The following VGLL4 variants were observed in gnomAD, a reference collection of about 807,000 sequenced individuals.
VGLL4 encodes the protein vestigial like family member 4.
In VGLL4, 7 loss-of-function variants were observed where a neutral mutation model predicts 21.0. The ratio of observed to expected loss-of-function variants is 0.33; its 90% CI spans 0.19 to 0.63. The LOEUF (loss-of-function observed/expected upper bound fraction) is 0.63. Among genes scored for constraint, VGLL4 ranks in the 20% least tolerant of loss-of-function variants. VGLL4 has a pLI of 0.78. For missense variants in VGLL4, 394 were observed against 425.7 expected (o/e 0.93, Z 0.66); for synonymous variants, 222 against 173.2 (o/e 1.28, Z -2.21).
chr3:11,649,895 ATTTGG>A (rs139823468), intron 2 of VGLL4, among the ~76,000 whole-genome samples: 17,036 of 144,374 alleles, frequency 0.12, 1,453 homozygotes, highest in African/African-American at 0.24. Context: ...CAAGTGCTCT[ATTTGG>A]TTTGGTTTGG....
chr3:11,679,383 T>A (rs2076338974), intron 2 of VGLL4, among the ~76,000 whole-genome samples: 1 of 151,910 alleles, frequency 6.6e-6, no homozygotes, highest in African/African-American at 2.4e-5. Context: ...AAAAAAAATT[T>A]AGTAGAAAAA....
At chr3:11,718,304 A>G (rs1367604458) in intron 1 of VGLL4, among the ~76,000 whole-genome samples, 2 of 152,266 alleles carry the variant, frequency 1.3e-5, no homozygotes, top group Non-Finnish European at 2.9e-5. Flanking sequence ...AGTGTAAGAC[A>G]AGAAACTTCT....
Position 11,606,154 on chromosome 3 carries a change from G to T in VGLL4, c.83-4132C>A, listed in dbSNP as rs77720907. ...GAGAGAATGAGAATGAGAGAAAGGG[G>T]TGTTCCCTTATAAAACCATCAGATC... is the stretch of plus-strand genomic sequence containing the variant. On this transcript the variant is annotated intron_variant, in intron 1 of 4. Coordinates refer to ENST00000430365, the MANE Select transcript of VGLL4 (RefSeq NM_001128219.3). Among the ~76,000 whole-genome samples the T allele has an allele frequency of 8.6e-3, 1,316 of 152,284 alleles. 18 individuals carry two copies. The highest frequency in any genetic ancestry group is 0.029 in the African/African-American group (1,213 of 41,560).
intron 2 of VGLL4, among the ~76,000 whole-genome samples, chr3:11,588,116 C>G (rs755218602): frequency 2.6e-5 from 4 of 152,358 alleles, no homozygotes; most frequent in Admixed American, 6.5e-5. Flanking sequence ...TTCTTAACAT[C>G]TGTCCCAAAG....
In VGLL4 at chr3:11,556,914, C is replaced by G. The variant is rs867275810; in HGVS notation, c.*1642G>C. On this transcript the variant is annotated 3_prime_UTR_variant, in exon 5 of 5. Coordinates refer to ENST00000430365, the MANE Select transcript of VGLL4 (RefSeq NM_001128219.3). ...TTTCTTTCCTCCACTTTTCAAAGGCCTGCAGCCACTCTGTGACTACAAGAG... is the reference window on the plus strand; with the variant it reads ...TTTCTTTCCTCCACTTTTCAAAGGCGTGCAGCCACTCTGTGACTACAAGAG... The G allele has an allele frequency of 2.0e-5, 3 of 152,742 alleles. No individual in the cohort carries two copies. The highest frequency in any genetic ancestry group is 2.9e-5 in the Non-Finnish European group (2 of 68,048). 9.5% of individuals were successfully genotyped at this position (152,742 alleles called of 1,614,324 possible). A position where few individuals can be genotyped will look rare whatever the true frequency, so the allele number is the denominator to read the frequency against.
chr3:11,705,920 CAAAAA>C (rs11335186), intron 1 of VGLL4, among the ~76,000 whole-genome samples: 3 of 131,384 alleles, frequency 2.3e-5, no homozygotes. Context: ...GACTCCGTCT[CAAAAA>C]AAAAAAAAAA....
Position 11,568,470 on chromosome 3 carries a change from A to T in VGLL4, c.273-3451T>A. On this transcript the variant is annotated intron_variant, in intron 2 of 4. Coordinates refer to ENST00000430365, the MANE Select transcript of VGLL4 (RefSeq NM_001128219.3). This position sits in a 1 kb window ranked among gnomAD's most constrained non-coding sequence, Gnocchi z 5.9. Reference sequence around the variant, plus strand: ...GGGCAGCAGGGAGAAGGGGACTTCCAGGCCCACTAACTGGAAAGACAGTCC... The same window carrying T: ...GGGCAGCAGGGAGAAGGGGACTTCCTGGCCCACTAACTGGAAAGACAGTCC... 7.9e-7 allele frequency: 1 copy of T among 1,259,578 alleles called. No individual in the cohort carries two copies. Among genetic ancestry groups the T allele is most frequent in the Non-Finnish European group, 1.1e-6 (1 of 894,474 alleles). The allele number at this position is 1,259,578 out of a possible 1,614,324, so 78.0% of individuals were successfully genotyped here. A position where few individuals can be genotyped will look rare whatever the true frequency, so the allele number is the denominator to read the frequency against.
chr3:11,676,467 A>G (rs2076294458), intron 2 of VGLL4, among the ~76,000 whole-genome samples: 1 of 151,208 alleles, frequency 6.6e-6, no homozygotes, highest in Admixed American at 6.6e-5. Context: ...TAGGCTATTG[A>G]TCTGAGTTAA....
chr3:11,682,331 G>C (rs972474488), intron 2 of VGLL4, among the ~76,000 whole-genome samples: 3 of 151,072 alleles, frequency 2.0e-5, no homozygotes, highest in African/African-American at 7.3e-5. Context: ...CTTGAACCCG[G>C]GAGGTGGAGG....
chr3:11,692,546 CCTA>C (rs2076541790), intron 2 of VGLL4, among the ~76,000 whole-genome samples: 2 of 152,168 alleles, frequency 1.3e-5, no homozygotes, highest in African/African-American at 4.8e-5. Flanking sequence ...TTATTTTAAA[CCTA>C]ATGGGAGCTT....
intron 2 of VGLL4, among the ~76,000 whole-genome samples, chr3:11,652,259 A>C (rs1283413696): frequency 6.6e-6 from 1 of 152,250 alleles, no homozygotes; most frequent in Non-Finnish European, 1.5e-5. Flanking sequence ...ATTCATAGAA[A>C]ATATCTTTTA....
intron 2 of VGLL4, among the ~76,000 whole-genome samples, chr3:11,584,505 G>A (rs2074316395): frequency 6.6e-6 from 1 of 152,076 alleles, no homozygotes; most frequent in African/African-American, 2.4e-5. Context: ...CATATAGAGT[G>A]AAGCTGGCAG....
chr3:11,559,413 T>C lies in VGLL4; in HGVS notation c.538A>G (p.Asn180Asp), dbSNP rs1220825139. 2 of 1,563,062 alleles carry C rather than the reference T, an allele frequency of 1.3e-6. No individual in the cohort carries two copies. The highest frequency in any genetic ancestry group is 3.8e-5 in the Admixed American group (2 of 52,244). Residue 180 changes from asparagine (N) to aspartate (D), a missense_variant, in exon 4 of 5, where the codon AAC becomes GAC. Physicochemically the swap from Asn to Asp is conservative, Grantham distance 23 (BLOSUM62 1). Transcript: ENST00000430365. The part of the protein sequence containing the change: ...VITCASAGAR[N>D]CNLSHCPIAH... ...ATGGGGCAGTGCGAGAGGTTGCAGT[T>C]GCGGGCGCCAGCCGAGGCACAGGTG...
intron 2 of VGLL4, among the ~76,000 whole-genome samples, chr3:11,701,582 C>G (rs1275723182): frequency 1.3e-5 from 2 of 152,184 alleles, no homozygotes; most frequent in African/African-American, 4.8e-5. Context: ...TCAGTAAGCT[C>G]AGTACACACG....
At chr3:11,681,458 G>A (rs2076369855) in intron 2 of VGLL4, among the ~76,000 whole-genome samples, 2 of 152,192 alleles carry the variant, frequency 1.3e-5, no homozygotes, top group African/African-American at 4.8e-5. Context: ...AGTAGGCTCG[G>A]CGTTGGGAGC....
chr3:11,650,487 T>TA (rs2075854367), intron 2 of VGLL4, among the ~76,000 whole-genome samples: 1 of 152,196 alleles, frequency 6.6e-6, no homozygotes, highest in Non-Finnish European at 1.5e-5. Context: ...GACATTTATT[T>TA]AAAATAAAAT....
At chr3:11,660,255 T>C (rs958843097) in intron 2 of VGLL4, among the ~76,000 whole-genome samples, 3 of 152,226 alleles carry the variant, frequency 2.0e-5, no homozygotes, top group African/African-American at 7.2e-5. Flanking sequence ...TGCGTGAGTT[T>C]AGGCGTGTTA....
At chr3:11,599,813 C>A (rs375481342) in intron 2 of VGLL4, among the ~76,000 whole-genome samples, 1 of 150,900 alleles carries the variant, frequency 6.6e-6, no homozygotes, top group Non-Finnish European at 1.5e-5. Context: ...TGAGCCACTG[C>A]GCCTAGCCAC....
intron 2 of VGLL4, among the ~76,000 whole-genome samples, chr3:11,681,486 G>A (rs895943502): frequency 5.9e-5 from 9 of 152,190 alleles, no homozygotes; most frequent in African/African-American, 1.2e-4. Context: ...GATACAGCCC[G>A]TCGGCTCATG....
Sources: allele counts gnomAD v4.1 joint callset (sites outside exome capture counted in the v4.1 genomes callset), GRCh38; gene constraint gnomAD v4.1.1; non-coding constraint Gnocchi (gnomAD v3.1); transcripts MANE v1.5; gene names NCBI Gene and HGNC (gene_info 2026-07-23, HGNC 2026-07-21).